GRM8: variants seen among roughly 807,000 people sequenced by gnomAD.
GRM8 encodes the protein metabotropic glutamate receptor 8.
GRM8 carries 47 observed loss-of-function variants against 87.2 expected under a neutral mutation model. The ratio of observed to expected loss-of-function variants is 0.54; its 90% CI spans 0.43 to 0.69. The LOEUF (loss-of-function observed/expected upper bound fraction) is 0.69. Ranked by LOEUF, GRM8 falls within the 30% of genes least tolerant of loss-of-function variation. The pLI is 0.00. For synonymous variants in GRM8, 396 were observed against 404.5 expected (o/e 0.98, Z 0.25); for missense variants, 1,019 against 1,139.2 (o/e 0.89, Z 1.52).
chr7:126,592,413 C>T (rs955387023), intron 8 of GRM8, among the ~76,000 whole-genome samples: 6 of 151,706 alleles, frequency 4.0e-5, no homozygotes, highest in African/African-American at 4.8e-5. Flanking sequence ...TTCAAAGGCA[C>T]GTGAAAAAGA....
At chr7:127,150,853 C>G (rs1433567573) in intron 2 of GRM8, among the ~76,000 whole-genome samples, 2 of 152,074 alleles carry the variant, frequency 1.3e-5, no homozygotes, top group Non-Finnish European at 2.9e-5. Context: ...TAGAGAAACC[C>G]TCCAGATGTT....
intron 2 of GRM8, among the ~76,000 whole-genome samples, chr7:127,115,066 A>T (rs1826621204): frequency 6.6e-6 from 1 of 152,156 alleles, no homozygotes; most frequent in Admixed American, 6.5e-5. Context: ...TCTCTCTAAA[A>T]GGACACAGCC....
At chr7:126,794,767 G>A (rs1483376810) in intron 6 of GRM8, among the ~76,000 whole-genome samples, 9 of 152,106 alleles carry the variant, frequency 5.9e-5, no homozygotes, top group African/African-American at 9.7e-5. Context: ...GCTTGTTAAC[G>A]TTCTGTAACT....
At chr7:126,945,570 C>T (rs1309525441) in intron 3 of GRM8, among the ~76,000 whole-genome samples, 1 of 152,128 alleles carries the variant, frequency 6.6e-6, no homozygotes, top group Non-Finnish European at 1.5e-5. Context: ...AAACTGCCTT[C>T]AGTCTATACA....
intron 3 of GRM8, among the ~76,000 whole-genome samples, chr7:127,002,333 G>T (rs2132039964): frequency 6.6e-6 from 1 of 151,760 alleles, no homozygotes; most frequent in Non-Finnish European, 1.5e-5. Flanking sequence ...TGGAATGTGG[G>T]TATAAATCAA....
At chr7:126,892,966 C>T (rs1801200582) in intron 6 of GRM8, among the ~76,000 whole-genome samples, 1 of 151,798 alleles carries the variant, frequency 6.6e-6, no homozygotes, top group African/African-American at 2.4e-5. Context: ...AACAAATTTA[C>T]AAGAAAAAAA....
intron 2 of GRM8, chr7:127,228,708 A>G (rs1323798329): frequency 2.0e-5 from 3 of 152,234 alleles, no homozygotes; most frequent in East Asian, 3.8e-4. Context: ...ACATCTTTAA[A>G]ATGTCCAATA....
At chr7:127,247,658 C>G (rs1798647396) in intron 1 of GRM8, among the ~76,000 whole-genome samples, 1 of 152,146 alleles carries the variant, frequency 6.6e-6, no homozygotes, top group Non-Finnish European at 1.5e-5. Context: ...GGATCTTTGT[C>G]TGACAGTCAC....
chr7:127,056,030 T>TACAC (rs1343064118), intron 3 of GRM8, among the ~76,000 whole-genome samples: 1 of 152,210 alleles, frequency 6.6e-6, no homozygotes, highest in Non-Finnish European at 1.5e-5. Context: ...TACTGAATAC[T>TACAC]ACACACACTT....
chr7:126,896,403 G>A (rs553207493), intron 6 of GRM8, among the ~76,000 whole-genome samples: 150 of 152,040 alleles, frequency 9.9e-4, no homozygotes, highest in African/African-American at 3.3e-3. Context: ...ATGGCAGAAC[G>A]CATTTTAATT....
At chr7:126,933,758 T>C (rs115001460) in intron 3 of GRM8, among the ~76,000 whole-genome samples, 239 of 152,336 alleles carry the variant, frequency 1.6e-3, no homozygotes, top group African/African-American at 5.6e-3. Flanking sequence ...CAGAAAAATG[T>C]CTGTCATGTA....
At chr7:127,116,921 C>T (rs751953507) in intron 2 of GRM8, among the ~76,000 whole-genome samples, 7 of 152,080 alleles carry the variant, frequency 4.6e-5, no homozygotes, top group Non-Finnish European at 7.4e-5. Context: ...GAAAATGCTA[C>T]GTAATTTATC....
chr7:126,462,076 T>A (rs1381609903), intron 9 of GRM8, among the ~76,000 whole-genome samples: 4 of 151,558 alleles, frequency 2.6e-5, no homozygotes, highest in Non-Finnish European at 5.9e-5. Flanking sequence ...AAAATTAATA[T>A]AAATGTGTAC....
rs182799276 is a variant in GRM8, at chr7:126,648,911, C to G, written c.1358-39413G>C. 2.0e-5 allele frequency among the ~76,000 whole-genome samples: 3 copies of G among 149,334 alleles called. No homozygotes were observed. In the East Asian group the frequency reaches 5.8e-4, roughly 29 times the overall value. ...GTAGTTATCTTTACTTCTGTGGCATCCCTACAGTGATGATATAATTTGGAG... is the reference window on the plus strand; with the variant it reads ...GTAGTTATCTTTACTTCTGTGGCATGCCTACAGTGATGATATAATTTGGAG... On this transcript the variant is annotated intron_variant, in intron 7 of 10. Coordinates refer to ENST00000339582, the MANE Select transcript of GRM8 (RefSeq NM_000845.3).
chr7:126,664,018 A>C (rs1805498259), intron 7 of GRM8, among the ~76,000 whole-genome samples: 1 of 152,194 alleles, frequency 6.6e-6, no homozygotes. Flanking sequence ...TGAGAGCCAA[A>C]TCAAGAACAT....
rs190659696 is a variant in GRM8 at position 126,469,633 on chromosome 7, G to A, written c.2431-23261C>T. ...TCACTCCTTTGCTCTGCACTTCTTC[G>A]TCCTACTGCCATGTGAAGAAGGATG... On this transcript the variant is annotated intron_variant, in intron 9 of 10. Transcript: ENST00000339582. Among the ~76,000 whole-genome samples, 17 of 152,160 alleles carry A rather than the reference G, an allele frequency of 1.1e-4. No homozygotes were observed. The South Asian group carries it at 3.1e-3, about 28-fold the overall frequency.
At chr7:127,111,231 C>T (rs971745518) in intron 2 of GRM8, 1 of 152,178 alleles carries the variant, frequency 6.6e-6, no homozygotes, top group African/African-American at 2.4e-5. Context: ...CTACATTTAA[C>T]TAGCTATTCT....
chr7:126,933,199 A>G (rs1279560930), intron 3 of GRM8, among the ~76,000 whole-genome samples: 1 of 152,214 alleles, frequency 6.6e-6, no homozygotes, highest in Non-Finnish European at 1.5e-5. Flanking sequence ...TGACAGAAAC[A>G]CATTTATCTT....
chr7:126,855,020 G>T (rs528387036), intron 6 of GRM8, among the ~76,000 whole-genome samples: 1 of 152,264 alleles, frequency 6.6e-6, no homozygotes, highest in South Asian at 2.1e-4. Flanking sequence ...CTCTCAGGGG[G>T]AATGCTTTCA....
Sources: allele counts gnomAD v4.1 joint callset (sites outside exome capture counted in the v4.1 genomes callset), GRCh38; gene constraint gnomAD v4.1.1; transcripts MANE v1.5; gene names NCBI Gene and HGNC (gene_info 2026-07-23, HGNC 2026-07-21).